The following ZFHX3 variants were observed in gnomAD, a reference collection of about 807,000 sequenced individuals.
The protein encoded by ZFHX3 is zinc finger homeobox protein 3.
In ZFHX3, 42 loss-of-function variants were observed where a neutral mutation model predicts 279.1. That is an observed-to-expected ratio of 0.15 (90% CI 0.12 to 0.19). The LOEUF is 0.19. ZFHX3 is among the 10% of genes least tolerant of loss of function. The pLI, the probability that ZFHX3 is intolerant of heterozygous loss-of-function variation, is 1.00. For synonymous variants in ZFHX3, 2,293 were observed against 1,957.8 expected, an observed-to-expected ratio of 1.17 and a Z score of -4.52; for missense variants, 4,981 against 4,754.0, an observed-to-expected ratio of 1.05 and a Z score of -1.40.
At chr16:73,100,793 C>G (rs1966221546) in intron 7 of ZFHX3, among the ~76,000 whole-genome samples, 1 of 152,120 alleles carries the variant, frequency 6.6e-6, no homozygotes, top group Admixed American at 6.6e-5. Flanking sequence ...GATGGGGTTT[C>G]ACTATGTTGG....
intron 8 of ZFHX3, among the ~76,000 whole-genome samples, chr16:73,065,606 TGC>T (rs1310804848): frequency 3.4e-5 from 5 of 145,532 alleles, no homozygotes; most frequent in Non-Finnish European, 6.1e-5. Context: ...TGTGTGTGTG[TGC>T]GTGTGTGTGT....
chr16:72,970,457 G>A (rs542000202), intron 1 of ZFHX3, among the ~76,000 whole-genome samples: 11 of 152,224 alleles, frequency 7.2e-5, no homozygotes, highest in Admixed American at 2.0e-4. Context: ...AGAAAGACAA[G>A]CATCGTGTGC....
At chr16:72,950,366 A>G in intron 3 of ZFHX3, 103 bp downstream of exon 3, 2 of 1,518,178 alleles carry the variant, frequency 1.3e-6, no homozygotes, top group Non-Finnish European at 1.8e-6. Context: ...CAAGCAGGCC[A>G]TGCCAGAGAC....
chr16:72,963,466 C>G (rs1961684126), intron 1 of ZFHX3, among the ~76,000 whole-genome samples: 1 of 152,208 alleles, frequency 6.6e-6, no homozygotes, highest in African/African-American at 2.4e-5. Flanking sequence ...GGCTCACTGT[C>G]TGCTTAGCAC....
intron 1 of ZFHX3, among the ~76,000 whole-genome samples, chr16:73,865,671 A>T (rs1169410406): frequency 6.6e-6 from 1 of 152,168 alleles, no homozygotes; most frequent in Non-Finnish European, 1.5e-5. Context: ...AGAAGCATCC[A>T]GTCATCTGTT....
At chr16:73,224,329 C>CTACA (rs1364108586) in intron 5 of ZFHX3, among the ~76,000 whole-genome samples, 8 of 152,298 alleles carry the variant, frequency 5.3e-5, no homozygotes, top group African/African-American at 1.9e-4. Flanking sequence ...TGCTGTGAGC[C>CTACA]TACACTGCTC....
chr16:73,854,309 T>G (rs1206311192), intron 1 of ZFHX3, among the ~76,000 whole-genome samples: 1 of 152,146 alleles, frequency 6.6e-6, no homozygotes, highest in Non-Finnish European at 1.5e-5. Flanking sequence ...GTGGATCACC[T>G]GAGGTCAGGA....
chr16:73,769,468 G>C (rs1043909404), intron 1 of ZFHX3, among the ~76,000 whole-genome samples: 1 of 152,092 alleles, frequency 6.6e-6, no homozygotes, highest in Non-Finnish European at 1.5e-5. Flanking sequence ...TCAAATGCTT[G>C]CAGAATTAAT....
intron 1 of ZFHX3, among the ~76,000 whole-genome samples, chr16:73,018,108 CTT>C (rs747949607): frequency 5.3e-5 from 8 of 151,794 alleles, no homozygotes; most frequent in Non-Finnish European, 1.2e-4. Flanking sequence ...GCCTTAGCCT[CTT>C]GAGTAGCTGG....
intron 1 of ZFHX3, among the ~76,000 whole-genome samples, chr16:73,028,192 ACAAC>A (rs1964579358): frequency 6.6e-6 from 1 of 152,100 alleles, no homozygotes; most frequent in African/African-American, 2.4e-5. Flanking sequence ...CACCATGAAG[ACAAC>A]TGTCAGCCAT....
upstream of ZFHX3, among the ~76,000 whole-genome samples, chr16:73,051,308 T>G (rs1368678374): frequency 6.6e-6 from 1 of 152,154 alleles, no homozygotes; most frequent in African/African-American, 2.4e-5. Context: ...AAGGAACCAT[T>G]TGGAGCTGAA....
At chr16:73,466,210 G>A (rs1044303020) in intron 2 of ZFHX3, among the ~76,000 whole-genome samples, 26 of 152,140 alleles carry the variant, frequency 1.7e-4, no homozygotes, top group African/African-American at 5.5e-4. Flanking sequence ...GGCCAGGCAC[G>A]GTGGCTCATG....
intron 5 of ZFHX3, among the ~76,000 whole-genome samples, chr16:73,249,280 A>G (rs186562832): frequency 6.6e-6 from 1 of 152,326 alleles, no homozygotes; most frequent in Non-Finnish European, 1.5e-5. Flanking sequence ...TATCAAAATA[A>G]TTCTCTAATT....
intron 3 of ZFHX3, among the ~76,000 whole-genome samples, chr16:72,938,565 T>C (rs1289239565): frequency 6.6e-6 from 1 of 152,154 alleles, no homozygotes; most frequent in African/African-American, 2.4e-5. Context: ...CTCGGGAAGC[T>C]AGCTAGAACA....
At chr16:73,713,669 A>T (rs550833208) in intron 1 of ZFHX3, among the ~76,000 whole-genome samples, 8 of 151,454 alleles carry the variant, frequency 5.3e-5, no homozygotes, top group Admixed American at 2.6e-4. Flanking sequence ...TGCTTTTTAC[A>T]TCTATTTCTT....
At chr16:73,205,256 C>T (rs1177050382) in intron 5 of ZFHX3, among the ~76,000 whole-genome samples, 1 of 152,134 alleles carries the variant, frequency 6.6e-6, no homozygotes, top group Non-Finnish European at 1.5e-5. Flanking sequence ...CTAGAAATAA[C>T]TAATAAAAAA....
chr16:73,488,311 G>A lies in ZFHX3; in HGVS notation c.-1546-32053C>T, dbSNP rs117289844. Among the ~76,000 whole-genome samples, 252 of 152,274 alleles carry A rather than the reference G, an allele frequency of 1.7e-3. 5 individuals carry two copies. The East Asian group carries it at 0.042, about 25-fold the overall frequency. On this transcript the variant is annotated intron_variant, in intron 2 of 17. Transcript: ENST00000641206. ...AGCAGCCATATGGGTGGCAAAGGAAGGAGGGACAGCCTACTATAGTGCTGA... is the reference window on the plus strand; with the variant it reads ...AGCAGCCATATGGGTGGCAAAGGAAAGAGGGACAGCCTACTATAGTGCTGA...
chr16:73,374,080 T>C (rs1189225848), intron 3 of ZFHX3, among the ~76,000 whole-genome samples: 4 of 152,020 alleles, frequency 2.6e-5, no homozygotes, highest in Non-Finnish European at 5.9e-5. Context: ...TGCAGGTCCA[T>C]CAGAATCACC....
At chr16:73,093,809 C>T in intron 7 of ZFHX3, 2 of 265,788 alleles carry the variant, frequency 7.5e-6, no homozygotes, top group South Asian at 8.2e-5. Context: ...GATGTGTTCA[C>T]TTTTATTTAT....
Sources: gnomAD v4.1 joint callset for allele counts (sites outside exome capture counted in the v4.1 genomes callset) on GRCh38, gnomAD v4.1.1 for gene constraint, MANE v1.5 for transcripts, NCBI Gene and HGNC (gene_info 2026-07-23, HGNC 2026-07-21) for gene names.